ADGRL2: variants seen among roughly 807,000 people sequenced by gnomAD.
ADGRL2 encodes the protein calcium-independent alpha-latrotoxin receptor 2.
A neutral mutation model predicts 157.4 loss-of-function variants in ADGRL2; 44 were observed. The ratio of observed to expected loss-of-function variants is 0.28; its 90% CI spans 0.22 to 0.36. ADGRL2 has a LOEUF of 0.36. Ranked by LOEUF, ADGRL2 falls within the 10% of genes least tolerant of loss-of-function variation. The pLI, the probability that ADGRL2 is intolerant of heterozygous loss-of-function variation, is 1.00. For synonymous variants in ADGRL2, 585 were observed against 624.7 expected, an observed-to-expected ratio of 0.94 and a Z score of 0.95; for missense variants, 1,510 against 1,768.9, an observed-to-expected ratio of 0.85 and a Z score of 2.63.
intron 2 of ADGRL2, among the ~76,000 whole-genome samples, chr1:81,546,897 G>A (rs560346509): frequency 3.4e-4 from 52 of 152,196 alleles, no homozygotes; most frequent in African/African-American, 1.0e-3. Context: ...CATCCCCAAG[G>A]CATTCTGAAG....
intron 1 of ADGRL2, among the ~76,000 whole-genome samples, chr1:81,804,737 G>A (rs916057895): frequency 1.3e-5 from 2 of 152,156 alleles, no homozygotes; most frequent in African/African-American, 4.8e-5. Flanking sequence ...CAGTGTAAGA[G>A]AGAGTGAGAA....
intron 2 of ADGRL2, among the ~76,000 whole-genome samples, chr1:81,460,385 T>C (rs1298447335): frequency 2.0e-5 from 3 of 151,890 alleles, no homozygotes; most frequent in Non-Finnish European, 4.4e-5. Flanking sequence ...ATTTTATTTT[T>C]AAAAAAAGAA....
chr1:81,644,679 A>G (rs994504290), intron 3 of ADGRL2, among the ~76,000 whole-genome samples: 2 of 152,200 alleles, frequency 1.3e-5, no homozygotes, highest in African/African-American at 4.8e-5. Context: ...CAAAATCAAG[A>G]GTGAACCCTA....
chr1:81,734,665 T>G (rs1402626979), intron 1 of ADGRL2, among the ~76,000 whole-genome samples: 1 of 148,090 alleles, frequency 6.8e-6, no homozygotes, highest in African/African-American at 2.5e-5. Flanking sequence ...ACCAATGACC[T>G]CCATGCACAA....
chr1:81,318,666 G>A (rs1409739861), intron 1 of ADGRL2, among the ~76,000 whole-genome samples: 1 of 152,094 alleles, frequency 6.6e-6, no homozygotes, highest in African/African-American at 2.4e-5. Context: ...GGTTTCTTTA[G>A]TAATCTGGAA....
intron 3 of ADGRL2, among the ~76,000 whole-genome samples, chr1:81,657,627 G>T (rs2082563754): frequency 6.6e-6 from 1 of 152,000 alleles, no homozygotes; most frequent in African/African-American, 2.4e-5. Flanking sequence ...TACAAGAGGG[G>T]TGTGTGTGTG....
At chr1:81,529,940 T>G (rs2079558512) in intron 2 of ADGRL2, among the ~76,000 whole-genome samples, 1 of 152,150 alleles carries the variant, frequency 6.6e-6, no homozygotes, top group Non-Finnish European at 1.5e-5. Context: ...GAAATTTGTT[T>G]TAGGGCAGGA....
At chr1:81,700,967 T>G (rs1316303483) in intron 1 of ADGRL2, among the ~76,000 whole-genome samples, 3 of 152,236 alleles carry the variant, frequency 2.0e-5, no homozygotes, top group African/African-American at 7.2e-5. Context: ...AGAGTTTGCA[T>G]GCAAATGCAG....
intron 2 of ADGRL2, among the ~76,000 whole-genome samples, chr1:81,892,879 G>A (rs76230910): frequency 0.014 from 2,101 of 152,274 alleles, 25 homozygotes; most frequent in South Asian, 0.041. Context: ...AGAAGGGACT[G>A]TTGTGGGTAT....
intron 1 of ADGRL2, among the ~76,000 whole-genome samples, chr1:81,373,631 A>G (rs772748983): frequency 1.3e-5 from 2 of 152,182 alleles, no homozygotes; most frequent in African/African-American, 4.8e-5. Context: ...AAAACATGGA[A>G]AAAAATAAGT....
chr1:81,561,723 G>T (rs2080447870), intron 2 of ADGRL2, among the ~76,000 whole-genome samples: 1 of 152,010 alleles, frequency 6.6e-6, no homozygotes, highest in African/African-American at 2.4e-5. Flanking sequence ...GCCTCCCAAA[G>T]TGCTAGGATT....
intron 2 of ADGRL2, among the ~76,000 whole-genome samples, chr1:81,447,869 G>A (rs919850936): frequency 6.6e-6 from 1 of 152,046 alleles, no homozygotes; most frequent in Non-Finnish European, 1.5e-5. Flanking sequence ...GATCATGGGG[G>A]TAGATCCTCC....
intron 1 of ADGRL2, among the ~76,000 whole-genome samples, chr1:81,742,947 T>C (rs1354452415): frequency 6.6e-6 from 1 of 152,000 alleles, no homozygotes; most frequent in Non-Finnish European, 1.5e-5. Flanking sequence ...GTACTAACAC[T>C]TATCTCTTCC....
chr1:81,423,012 A>G (rs2077153060), intron 1 of ADGRL2, among the ~76,000 whole-genome samples: 1 of 152,138 alleles, frequency 6.6e-6, no homozygotes, highest in South Asian at 2.1e-4. Flanking sequence ...TGTTTTATCC[A>G]CTGGAAATCT....
At chr1:81,733,779 A>G (rs1478428706) in intron 1 of ADGRL2, among the ~76,000 whole-genome samples, 1 of 152,178 alleles carries the variant, frequency 6.6e-6, no homozygotes, top group African/African-American at 2.4e-5. Context: ...AAGGAGCTAA[A>G]TGATTTGAAC....
chr1:81,315,486 C>A (rs919049965), intron 1 of ADGRL2, among the ~76,000 whole-genome samples: 1 of 152,016 alleles, frequency 6.6e-6, no homozygotes, highest in Non-Finnish European at 1.5e-5. Context: ...AATTTTATCT[C>A]CAAAATAAAA....
At chr1:81,595,920 G>A (rs905618007) in intron 3 of ADGRL2, among the ~76,000 whole-genome samples, 5 of 152,052 alleles carry the variant, frequency 3.3e-5, no homozygotes, top group African/African-American at 1.2e-4. Context: ...ATCTGTTGAG[G>A]GCTGCTTCCT....
intron 2 of ADGRL2, among the ~76,000 whole-genome samples, chr1:81,853,742 A>G (rs2093102214): frequency 6.6e-6 from 1 of 152,106 alleles, no homozygotes; most frequent in Admixed American, 6.6e-5. Context: ...ATAACATGAT[A>G]TAAGGTTAAG....
At chr1:81,807,969 T>G (rs2089376239) in intron 1 of ADGRL2, among the ~76,000 whole-genome samples, 1 of 151,688 alleles carries the variant, frequency 6.6e-6, no homozygotes, top group Admixed American at 6.6e-5. Context: ...TATTATTTTT[T>G]TACAAAAAAC....
Sources: gnomAD v4.1 joint callset for allele counts (sites outside exome capture counted in the v4.1 genomes callset) on GRCh38, gnomAD v4.1.1 for gene constraint, MANE v1.5 for transcripts, NCBI Gene and HGNC (gene_info 2026-07-23, HGNC 2026-07-21) for gene names.